AK5: variants seen among roughly 807,000 people sequenced by gnomAD.
AK5 encodes adenylate kinase 5, also known as adenylate kinase isoenzyme 5.
A neutral mutation model predicts 69.5 loss-of-function variants in AK5; 27 were observed. That is an observed-to-expected ratio of 0.39 (90% CI 0.29 to 0.54). AK5 has a LOEUF of 0.54. AK5 is among the 20% of genes least tolerant of loss of function. The pLI is 0.71. For synonymous variants in AK5, 260 were observed against 244.4 expected (o/e 1.06, Z -0.60); for missense variants, 531 against 700.4 (o/e 0.76, Z 2.73).
intron 6 of AK5, among the ~76,000 whole-genome samples, chr1:77,407,482 G>T (rs1285525754): frequency 1.3e-5 from 2 of 152,146 alleles, no homozygotes; most frequent in East Asian, 3.8e-4. Flanking sequence ...GCAGATAAAT[G>T]GTTACCTGGG....
At chr1:77,368,301 T>A (rs1178367995) in intron 6 of AK5, among the ~76,000 whole-genome samples, 2 of 113,896 alleles carry the variant, frequency 1.8e-5, no homozygotes, top group Non-Finnish European at 3.5e-5. Context: ...ATGTTATATA[T>A]AATATATATG....
At chr1:77,535,212 G>A (rs139468446) in intron 12 of AK5, among the ~76,000 whole-genome samples, 2 of 152,228 alleles carry the variant, frequency 1.3e-5, no homozygotes, top group East Asian at 1.9e-4. Flanking sequence ...CATTATTTCC[G>A]CTACAGTCTG....
At chr1:77,480,109 A>G (rs2100715931) in intron 8 of AK5, among the ~76,000 whole-genome samples, 1 of 134,942 alleles carries the variant, frequency 7.4e-6, no homozygotes, top group South Asian at 2.8e-4. Context: ...AGTGTTTCCC[A>G]TTCACCCCGA....
chr1:77,446,442 TGC>T (rs1652759391), intron 8 of AK5, among the ~76,000 whole-genome samples: 1 of 152,224 alleles, frequency 6.6e-6, no homozygotes, highest in Non-Finnish European at 1.5e-5. Flanking sequence ...ATTTTAGAAT[TGC>T]TTTTTCTATT....
chr1:77,287,761 A>G (rs1025379810), intron 2 of AK5, among the ~76,000 whole-genome samples: 3 of 152,228 alleles, frequency 2.0e-5, no homozygotes, highest in African/African-American at 7.2e-5. Flanking sequence ...ATGTATAGAT[A>G]TCGGAAGTGA....
At chr1:77,367,262 T>C (rs542791904) in intron 6 of AK5, among the ~76,000 whole-genome samples, 110 of 151,938 alleles carry the variant, frequency 7.2e-4, no homozygotes, top group African/African-American at 2.6e-3. Context: ...AATTTGCATA[T>C]ACATAGTGAG....
At chr1:77,396,303 C>T (rs903222920) in intron 6 of AK5, among the ~76,000 whole-genome samples, 2 of 152,176 alleles carry the variant, frequency 1.3e-5, no homozygotes, top group African/African-American at 4.8e-5. Flanking sequence ...AATCTGATTT[C>T]CAGTCTCATA....
At chr1:77,372,774 T>TGC (rs1647145179) in intron 6 of AK5, among the ~76,000 whole-genome samples, 3 of 143,846 alleles carry the variant, frequency 2.1e-5, no homozygotes, top group African/African-American at 8.6e-5. Flanking sequence ...TGTGTGTGCG[T>TGC]GTGTGTGTGT....
At position 77,370,105 on chromosome 1, in the gene AK5, G is replaced by T. The variant is rs554163330; in HGVS notation, c.891+29537G>T. Among the ~76,000 whole-genome samples, 6 of 152,260 alleles carry T rather than the reference G, an allele frequency of 3.9e-5. No individual in the cohort carries two copies. In the South Asian group the frequency reaches 1.2e-3, roughly 32 times the overall value. On this transcript the variant is annotated intron_variant, in intron 6 of 13. Coordinates refer to ENST00000354567, the MANE Select transcript of AK5 (RefSeq NM_174858.3). ...GTCCTTGCAGAATAAGTCCAAAGTG[G>T]CAGGAGCTGCCTGCTGTGAGCCTGG...
At chr1:77,382,498 G>A (rs572221156) in intron 6 of AK5, among the ~76,000 whole-genome samples, 12 of 152,078 alleles carry the variant, frequency 7.9e-5, no homozygotes, top group African/African-American at 1.2e-4. Flanking sequence ...ATACAGGCAC[G>A]CACCATCATG....
intron 8 of AK5, among the ~76,000 whole-genome samples, chr1:77,470,387 C>T (rs1343684647): frequency 6.6e-6 from 1 of 152,152 alleles, no homozygotes; most frequent in East Asian, 1.9e-4. Context: ...TGCCTGTAAT[C>T]CCAGCTACTC....
At position 77,482,075 on chromosome 1, in the gene AK5, G is replaced by A. The variant is rs539657774; in HGVS notation, c.1060-1242G>A. 8.1e-4 allele frequency among the ~76,000 whole-genome samples: 124 copies of A among 152,306 alleles called. 2 individuals are homozygous for A. The Middle Eastern group carries it at 0.02, about 25-fold the overall frequency. On this transcript the variant is annotated intron_variant, in intron 8 of 13. Coordinates refer to ENST00000354567, the MANE Select transcript of AK5 (RefSeq NM_174858.3). The stretch of plus-strand genomic sequence containing the variant: ...ATGTATTATAGAATAGTATTATATC[G>A]TAAACACATATGCATGTATAATAAA...
At chr1:77,282,513 C>G (rs1399107370) in intron 1 of AK5, 140 bp downstream of exon 1, 3 of 1,383,822 alleles carry the variant, frequency 2.2e-6, no homozygotes, top group South Asian at 3.4e-5. Flanking sequence ...CTCGCCCGCT[C>G]CCCCGAGGGT....
chr1:77,282,462 C>A (rs1451449379), intron 1 of AK5, 89 bp downstream of exon 1: 59 of 1,464,512 alleles, frequency 4.0e-5, no homozygotes, highest in Admixed American at 6.9e-5. Context: ...GTCCCACCTT[C>A]CCCACACGGG....
chr1:77,332,149 G>C (rs1342922489), intron 5 of AK5, among the ~76,000 whole-genome samples: 1 of 152,064 alleles, frequency 6.6e-6, no homozygotes, highest in East Asian at 1.9e-4. Flanking sequence ...TTTTCATAAA[G>C]TTATTCTTAA....
At chr1:77,295,502 T>TA (rs1275737842) in intron 3 of AK5, among the ~76,000 whole-genome samples, 1 of 152,222 alleles carries the variant, frequency 6.6e-6, no homozygotes, top group African/African-American at 2.4e-5. Flanking sequence ...TGTTACGCCA[T>TA]AAACCTCTAT....
At chr1:77,443,724 T>TGTGTGTGTG (rs1557597565) in intron 8 of AK5, among the ~76,000 whole-genome samples, 3 of 148,852 alleles carry the variant, frequency 2.0e-5, no homozygotes, top group Non-Finnish European at 4.5e-5. Context: ...TGTGTGTGTG[T>TGTGTGTGTG]TCAACTGAAT....
At chr1:77,321,400 C>T (rs960953452) in intron 5 of AK5, among the ~76,000 whole-genome samples, 3 of 151,726 alleles carry the variant, frequency 2.0e-5, no homozygotes, top group Non-Finnish European at 2.9e-5. Context: ...ACCCGAGAGG[C>T]GTAGGTTGCA....
intron 6 of AK5, among the ~76,000 whole-genome samples, chr1:77,397,487 A>G (rs181518496): frequency 8.5e-5 from 13 of 152,156 alleles, no homozygotes; most frequent in Admixed American, 8.5e-4. Flanking sequence ...CATTAGCACA[A>G]TTTTTCTAGC....
Sources: allele counts gnomAD v4.1 joint callset (sites outside exome capture counted in the v4.1 genomes callset), GRCh38; gene constraint gnomAD v4.1.1; transcripts MANE v1.5; gene names NCBI Gene and HGNC (gene_info 2026-07-23, HGNC 2026-07-21).